The following DCDC1 variants were observed in gnomAD, a reference collection of about 807,000 sequenced individuals.
DCDC1 encodes the protein doublecortin domain containing 1, also known as doublecortin domain-containing protein 1.
A neutral mutation model predicts 178.3 loss-of-function variants in DCDC1; 200 were observed. That is an observed-to-expected ratio of 1.12 (90% CI 1.00 to 1.26). The LOEUF (loss-of-function observed/expected upper bound fraction) is 1.26. Ranked by LOEUF, DCDC1 falls within the 50% of genes most tolerant of loss-of-function variation. The pLI is 0.00. For missense variants in DCDC1, 1,983 were observed against 1,749.2 expected (o/e 1.13, Z -2.38); for synonymous variants, 690 against 604.8 (o/e 1.14, Z -2.07).
At chr11:30,920,189 A>G (rs1015798708) in intron 25 of DCDC1, among the ~76,000 whole-genome samples, 3 of 152,184 alleles carry the variant, frequency 2.0e-5, no homozygotes, top group African/African-American at 7.2e-5. Flanking sequence ...GGGCATGGGA[A>G]TGCAAATGAG....
rs1184511886 is a variant in DCDC1 at position 30,915,797 on chromosome 11, G to A, written c.3453-86C>T. 18 of 1,389,124 alleles carry A rather than the reference G, an allele frequency of 1.3e-5. No individual in the cohort carries two copies. The East Asian group carries it at 1.7e-4, about 13-fold the overall frequency. 86.0% of individuals were successfully genotyped at this position (1,389,124 alleles called of 1,614,324 possible). On this transcript the variant is annotated intron_variant, in intron 26 of 38. Coordinates refer to ENST00000684477, the MANE Select transcript of DCDC1 (RefSeq NM_001387274.1). Reference sequence around the variant, plus strand: ...TGATGTGCTGGAGATTATAAGTTCTGTTGGTGAGAGCTCCAACGTGAAACA... The same window carrying A: ...TGATGTGCTGGAGATTATAAGTTCTATTGGTGAGAGCTCCAACGTGAAACA...
chr11:31,246,546 G>GTGACTGCTTCCCAGTCCAGGAAGTA (rs1259120069), intron 8 of DCDC1, among the ~76,000 whole-genome samples: 6 of 151,586 alleles, frequency 4.0e-5, no homozygotes, highest in African/African-American at 1.5e-4. Flanking sequence ...ATACTAAGAT[G>GTGACTGCTTCCCAGTCCAGGAAGTA]TGACTGCTTC....
intron 20 of DCDC1, among the ~76,000 whole-genome samples, chr11:31,034,899 T>C (rs1453508048): frequency 3.3e-5 from 5 of 152,214 alleles, no homozygotes; most frequent in Non-Finnish European, 5.9e-5. Flanking sequence ...ACATTTTATA[T>C]ACACATTAAC....
chr11:31,222,308 C>T (rs144152290), intron 9 of DCDC1, among the ~76,000 whole-genome samples: 3,131 of 152,198 alleles, frequency 0.021, 95 homozygotes, highest in African/African-American at 0.07. Context: ...AGGTGATCCA[C>T]CCACCTCAGC....
rs143209557 is a variant in DCDC1 at position 31,337,247 on chromosome 11, C to A, written c.-124-1683G>T. On this transcript the variant is annotated intron_variant, in intron 1 of 38. Coordinates refer to ENST00000684477, the MANE Select transcript of DCDC1 (RefSeq NM_001387274.1). The stretch of plus-strand genomic sequence containing the variant: ...GAGTCTAGTAATTTGGGACTTTGGG[C>A]CTTGCAGGGTTGAAGAATTCAACTG... Among the ~76,000 whole-genome samples, 30 of 152,240 alleles carry A rather than the reference C, an allele frequency of 2.0e-4. No individual in the cohort carries two copies. The East Asian group carries it at 5.8e-3, about 29-fold the overall frequency.
intron 32 of DCDC1, among the ~76,000 whole-genome samples, chr11:30,901,456 C>G (rs545316902): frequency 3.3e-5 from 5 of 152,262 alleles, no homozygotes; most frequent in African/African-American, 1.2e-4. Context: ...TCCAGTGAAG[C>G]CTGTGCTCTT....
chr11:31,097,920 T>C (rs998125422), intron 15 of DCDC1, among the ~76,000 whole-genome samples: 1 of 152,228 alleles, frequency 6.6e-6, no homozygotes, highest in African/African-American at 2.4e-5. Flanking sequence ...TCAGTAATTA[T>C]GAATGCATTC....
intron 9 of DCDC1, among the ~76,000 whole-genome samples, chr11:31,226,119 T>A (rs1042902095): frequency 1.3e-5 from 2 of 152,094 alleles, no homozygotes; most frequent in African/African-American, 4.8e-5. Context: ...CTCTTATATT[T>A]GGAATTTTGA....
In DCDC1 at chr11:31,106,815, G is replaced by A. The variant is rs748520159; in HGVS notation, c.1733C>T (p.Ser578Phe). 10 of 766,102 alleles carry A rather than the reference G, an allele frequency of 1.3e-5. No homozygotes were observed. Among genetic ancestry groups the A allele is most frequent in the Middle Eastern group, 2.2e-4 (1 of 4,452 alleles). The allele number at this position is 766,102 out of a possible 1,614,324, so 47.5% of individuals were successfully genotyped here. The change falls in exon 13 of 39, where the codon TCT (serine) becomes TTT (phenylalanine). Residue 578 changes from serine (S) to phenylalanine (F), a missense_variant. Coordinates refer to ENST00000684477, the MANE Select transcript of DCDC1 (RefSeq NM_001387274.1). The part of the protein sequence containing the change: ...SLKNEQKIWV[S>F]YGRAYRSPLN... ...CTCCTACCTGTATGCTCTACCATAA[G>A]AGACCCAAATTTTTTGCTCATTCTT...
At chr11:31,163,626 T>C (rs184210482) in intron 9 of DCDC1, among the ~76,000 whole-genome samples, 2 of 152,326 alleles carry the variant, frequency 1.3e-5, no homozygotes, top group Non-Finnish European at 2.9e-5. Context: ...AAAGAGAGCC[T>C]GAAATAGTAT....
At chr11:31,246,321 G>A (rs1455157879) in intron 8 of DCDC1, among the ~76,000 whole-genome samples, 2 of 151,944 alleles carry the variant, frequency 1.3e-5, no homozygotes, top group Non-Finnish European at 2.9e-5. Flanking sequence ...CCAGAGTATA[G>A]TTACCTATAA....
intron 38 of DCDC1, among the ~76,000 whole-genome samples, chr11:30,866,301 G>T (rs1940969468): frequency 6.6e-6 from 1 of 152,122 alleles, no homozygotes; most frequent in South Asian, 2.1e-4. Flanking sequence ...TCTGGAGGCT[G>T]GGAAGTCTAT....
chr11:31,184,943 T>C (rs1424258962), intron 9 of DCDC1, among the ~76,000 whole-genome samples: 1 of 152,178 alleles, frequency 6.6e-6, no homozygotes, highest in Non-Finnish European at 1.5e-5. Flanking sequence ...AATTCTACTA[T>C]AGAGACACAT....
In DCDC1 at chr11:30,949,927, A is replaced by C. The variant is rs1461970502; in HGVS notation, c.2715+2518T>G. On this transcript the variant is annotated intron_variant, in intron 21 of 38. Coordinates refer to ENST00000684477, the MANE Select transcript of DCDC1 (RefSeq NM_001387274.1). ...TAGATGATGGGTTGATGGGTGCAGCAAACCACCACGGCAAGTGTATACCCA... is the reference window on the plus strand; with the variant it reads ...TAGATGATGGGTTGATGGGTGCAGCCAACCACCACGGCAAGTGTATACCCA... 2.6e-5 allele frequency among the ~76,000 whole-genome samples: 4 copies of C among 152,120 alleles called. No individual in the cohort carries two copies. The East Asian group carries it at 7.7e-4, about 29-fold the overall frequency.
intron 20 of DCDC1, among the ~76,000 whole-genome samples, chr11:31,029,803 T>C (rs1256833918): frequency 6.6e-6 from 1 of 152,150 alleles, no homozygotes; most frequent in African/African-American, 2.4e-5. Flanking sequence ...TTTTGTCTTA[T>C]ATATTTTAAA....
intron 6 of DCDC1, among the ~76,000 whole-genome samples, chr11:31,292,519 G>T (rs996908583): frequency 6.6e-6 from 1 of 152,116 alleles, no homozygotes; most frequent in Non-Finnish European, 1.5e-5. Context: ...CATAAAAAAG[G>T]TGACATATTG....
chr11:30,906,680 A>G lies in DCDC1; in HGVS notation c.3964T>C (p.Cys1322Arg), dbSNP rs1468280266. 7 of 1,613,706 alleles carry G rather than the reference A, an allele frequency of 4.3e-6. No individual in the cohort carries two copies. Among genetic ancestry groups the G allele is most frequent in the South Asian group, 2.2e-5 (2 of 91,068 alleles). ...SPDGKRKTML[C>R]LACGQSMRTE... ...CTCATGGATTGTCCACAAGCCAAGC[A>G]GAGCATAGTTTTTCTCTTTCCATCA... is the stretch of plus-strand genomic sequence containing the variant. The change falls in exon 30 of 39, where the codon TGC becomes CGC. Residue 1322 changes from cysteine to arginine, a missense_variant. Cys to Arg is a radical substitution (Grantham distance 180, BLOSUM62 -3). Transcript: ENST00000684477.
At chr11:31,216,489 G>A (rs1352802125) in intron 9 of DCDC1, among the ~76,000 whole-genome samples, 1 of 152,154 alleles carries the variant, frequency 6.6e-6, no homozygotes, top group African/African-American at 2.4e-5. Context: ...GATCTACACT[G>A]TAGAATCCAA....
chr11:30,987,913 G>C lies in DCDC1; in HGVS notation c.2592-35345C>G, dbSNP rs2134881826. Among the ~76,000 whole-genome samples, 4 of 152,228 alleles carry C rather than the reference G, an allele frequency of 2.6e-5. 1 individual carries two copies. The Middle Eastern group carries it at 0.014, about 518-fold the overall frequency. On this transcript the variant is annotated intron_variant, in intron 20 of 38. Transcript: ENST00000684477. ...GCAGCCCAGGGAAGCCAAAAAATTG[G>C]ATGCCCCTGCTGTAGATAGAGAAAG...
Sources: gnomAD v4.1 joint callset for allele counts (sites outside exome capture counted in the v4.1 genomes callset) on GRCh38, gnomAD v4.1.1 for gene constraint, MANE v1.5 for transcripts, NCBI Gene and HGNC (gene_info 2026-07-23, HGNC 2026-07-21) for gene names.